Variants in ANKRD22 observed in about 807,000 individuals in gnomAD.
The protein encoded by ANKRD22 is ankyrin repeat domain 22, also known as ankyrin repeat domain-containing protein 22.
Under a neutral mutation model 25.7 loss-of-function variants are expected in ANKRD22, and 24 were observed. That is an observed-to-expected ratio of 0.93 (90% confidence interval 0.68 to 1.31). The LOEUF (loss-of-function observed/expected upper bound fraction) is 1.31. ANKRD22 is among the 50% of genes most tolerant of loss of function. ANKRD22 has a pLI of 0.00. For synonymous variants in ANKRD22, 84 were observed against 84.3 expected, an observed-to-expected ratio of 1.00 and a Z score of 0.02; for missense variants, 214 against 227.1, an observed-to-expected ratio of 0.94 and a Z score of 0.37.
Position 88,823,022 on chromosome 10 carries a change from A to AG in ANKRD22, c.499-5dup, listed in dbSNP as rs757759127. ...TATCCAGTGAGCTCTCACCATGCTG[A>AG]GGGGGGAAAAATATACAGTTATTTC... On this transcript the variant is annotated splice_polypyrimidine_tract_variant and splice_region_variant and intron_variant, in intron 5 of 5. Coordinates refer to ENST00000371930, the MANE Select transcript of ANKRD22 (RefSeq NM_144590.3). The AG allele has an allele frequency of 1.2e-6, 2 of 1,611,938 alleles. No individual in the cohort carries two copies. Among genetic ancestry groups the AG allele is most frequent in the African/African-American group, 2.7e-5 (2 of 74,804 alleles).
chr10:88,832,456 T>A (rs1355631252), intron 1 of ANKRD22, among the ~76,000 whole-genome samples: 2 of 152,002 alleles, frequency 1.3e-5, no homozygotes, highest in Admixed American at 6.5e-5. Flanking sequence ...AATACCTTTA[T>A]CTTTATCTTT....
intron 1 of ANKRD22, among the ~76,000 whole-genome samples, chr10:88,836,172 C>A (rs571946487): frequency 6.6e-6 from 1 of 152,142 alleles, no homozygotes; most frequent in African/African-American, 2.4e-5. Context: ...CTACCACTGT[C>A]TTATCCACAC....
chr10:88,839,147 C>G (rs574668111), intron 1 of ANKRD22, among the ~76,000 whole-genome samples: 1 of 152,234 alleles, frequency 6.6e-6, no homozygotes, highest in East Asian at 1.9e-4. Context: ...TGCATGTGAC[C>G]TATATGGCGG....
rs1843770573 is a variant in ANKRD22, at chr10:88,820,205, G to A, written c.*2736C>T. On this transcript the variant is annotated 3_prime_UTR_variant, in exon 6 of 6. Transcript: ENST00000371930. The stretch of plus-strand genomic sequence containing the variant: ...AGCCTGAAAGTCCAAATGTTACCTA[G>A]AGTTAAGAACTATTCCTTTTCTCTA... The A allele has an allele frequency of 6.6e-7, 1 of 1,518,324 alleles. No homozygotes were observed. Among genetic ancestry groups the A allele is most frequent in the African/African-American group, 1.4e-5 (1 of 72,106 alleles). 94.1% of individuals were successfully genotyped at this position (1,518,324 alleles called of 1,614,324 possible). A position where few individuals can be genotyped will look rare whatever the true frequency, so the allele number is the denominator to read the frequency against.
At chr10:88,829,348 T>A (rs1264382098) in intron 2 of ANKRD22, among the ~76,000 whole-genome samples, 1 of 152,228 alleles carries the variant, frequency 6.6e-6, no homozygotes, top group African/African-American at 2.4e-5. Flanking sequence ...GAGGTTAGTT[T>A]CCACTTATGC....
At chr10:88,836,557 T>A (rs1438879340) in intron 1 of ANKRD22, among the ~76,000 whole-genome samples, 1 of 152,188 alleles carries the variant, frequency 6.6e-6, no homozygotes, top group Non-Finnish European at 1.5e-5. Context: ...TCAAGGGGAA[T>A]GACTGCAGAA....
chr10:88,839,321 C>T (rs972697326), intron 1 of ANKRD22, among the ~76,000 whole-genome samples: 2 of 151,998 alleles, frequency 1.3e-5, no homozygotes, highest in African/African-American at 2.4e-5. Flanking sequence ...TGTAATGTGC[C>T]CAAGTTCCTA....
rs146709377 is a variant in ANKRD22 at position 88,840,103 on chromosome 10, T to C, written c.22-8077A>G. ...AGGAGCATTCAAAACTCTGGAATAA[T>C]GGAACATTAGGAAAAATTTTTTGTG... is the stretch of plus-strand genomic sequence containing the variant. On this transcript the variant is annotated intron_variant, in intron 1 of 5. Transcript: ENST00000371930. Among the ~76,000 whole-genome samples the C allele has an allele frequency of 1.9e-3, 289 of 152,302 alleles. 2 individuals are homozygous for C. The highest frequency in any genetic ancestry group is 2.6e-3 in the Non-Finnish European group (174 of 68,024).
chr10:88,851,110 T>G (rs113061479), intron 1 of ANKRD22, among the ~76,000 whole-genome samples: 14 of 152,314 alleles, frequency 9.2e-5, no homozygotes, highest in African/African-American at 3.1e-4. Flanking sequence ...CTCTTCTTCA[T>G]AGTGATAGTC....
At chr10:88,838,089 T>A (rs1011001669) in intron 1 of ANKRD22, among the ~76,000 whole-genome samples, 2 of 152,212 alleles carry the variant, frequency 1.3e-5, no homozygotes, top group African/African-American at 4.8e-5. Flanking sequence ...CAAGGGTAGA[T>A]GAGACTTTTG....
intron 1 of ANKRD22, among the ~76,000 whole-genome samples, chr10:88,849,199 C>T (rs1024340292): frequency 6.6e-6 from 1 of 152,122 alleles, no homozygotes; most frequent in Non-Finnish European, 1.5e-5. Context: ...GTATTAGTTC[C>T]TGAACTCTTT....
chr10:88,850,020 TTG>T (rs1475067182), intron 1 of ANKRD22, among the ~76,000 whole-genome samples: 1 of 151,596 alleles, frequency 6.6e-6, no homozygotes, highest in Non-Finnish European at 1.5e-5. Flanking sequence ...TTTTTTTTTT[TTG>T]AATAGATTCT....
In ANKRD22 at chr10:88,820,197, G is replaced by T. The variant is rs117206902; in HGVS notation, c.*2744C>A. On this transcript the variant is annotated 3_prime_UTR_variant, in exon 6 of 6. Transcript: ENST00000371930. ...AAATTATGAGCCTGAAAGTCCAAAT[G>T]TTACCTAGAGTTAAGAACTATTCCT... 4.0e-6 allele frequency: 6 copies of T among 1,499,932 alleles called. No homozygotes were observed. Among genetic ancestry groups the T allele is most frequent in the Admixed American group, 2.2e-5 (1 of 45,982 alleles). The allele number at this position is 1,499,932 out of a possible 1,614,324, so 92.9% of individuals were successfully genotyped here. A position where few individuals can be genotyped will look rare whatever the true frequency, so the allele number is the denominator to read the frequency against.
At chr10:88,828,363 C>A (rs189151380) in intron 3 of ANKRD22, among the ~76,000 whole-genome samples, 196 bp downstream of exon 3, 1 of 152,308 alleles carries the variant, frequency 6.6e-6, no homozygotes, top group Non-Finnish European at 1.5e-5. Context: ...CATTGATTAA[C>A]TATTTTTGCT....
In ANKRD22 at chr10:88,843,615, A is replaced by C. The variant is rs1469198010; in HGVS notation, c.21+7972T>G. Among the ~76,000 whole-genome samples the C allele has an allele frequency of 2.0e-5, 3 of 152,192 alleles. No individual in the cohort carries two copies. The East Asian group carries it at 5.8e-4, about 29-fold the overall frequency. Reference sequence around the variant, plus strand: ...TTAGTTGTATTATTTCAGTGTAACAAGTAAGTTTTTGGTTATTACTATAAA... The same window carrying C: ...TTAGTTGTATTATTTCAGTGTAACACGTAAGTTTTTGGTTATTACTATAAA... On this transcript the variant is annotated intron_variant, in intron 1 of 5. Transcript: ENST00000371930.
At chr10:88,837,639 T>G (rs1481732865) in intron 1 of ANKRD22, among the ~76,000 whole-genome samples, 1 of 152,238 alleles carries the variant, frequency 6.6e-6, no homozygotes, top group Non-Finnish European at 1.5e-5. Context: ...AATAAATAGA[T>G]ACATCTAGAT....
chr10:88,833,999 G>A (rs1056748750), intron 1 of ANKRD22, among the ~76,000 whole-genome samples: 1 of 152,200 alleles, frequency 6.6e-6, no homozygotes, highest in South Asian at 2.1e-4. Context: ...ATTAAATGAA[G>A]GAGTAAGGCA....
intron 4 of ANKRD22, 105 bp downstream of exon 4, chr10:88,825,933 T>C (rs781538065): frequency 3.1e-6 from 3 of 955,182 alleles, no homozygotes; most frequent in Non-Finnish European, 4.6e-6. Flanking sequence ...GAAAACTAAA[T>C]GTAAAATTGT....
chr10:88,829,780 T>G (rs1444958538), intron 2 of ANKRD22, among the ~76,000 whole-genome samples: 2 of 152,220 alleles, frequency 1.3e-5, no homozygotes, highest in Non-Finnish European at 2.9e-5. Flanking sequence ...TTTGTTTTTG[T>G]TTTTGTTTTT....
Sources: allele counts gnomAD v4.1 joint callset (sites outside exome capture counted in the v4.1 genomes callset), GRCh38; gene constraint gnomAD v4.1.1; transcripts MANE v1.5; gene names NCBI Gene and HGNC (gene_info 2026-07-23, HGNC 2026-07-21).